RCAN2: variants seen among roughly 807,000 people sequenced by gnomAD.
RCAN2 encodes regulator of calcineurin 2.
In RCAN2, 9 loss-of-function variants were observed where a neutral mutation model predicts 23.6. The ratio of observed to expected loss-of-function variants is 0.38; its 90% CI spans 0.23 to 0.67. RCAN2 has a LOEUF of 0.67. Among genes scored for constraint, RCAN2 ranks in the 30% least tolerant of loss-of-function variants. RCAN2 has a pLI of 0.51. For missense variants in RCAN2, 273 were observed against 302.3 expected (o/e 0.90, Z 0.72); for synonymous variants, 109 against 115.7 (o/e 0.94, Z 0.37).
rs554212592 is a variant in RCAN2 at position 46,291,129 on chromosome 6, C to A, written c.226-42233G>T. On this transcript the variant is annotated intron_variant, in intron 2 of 4. Coordinates refer to ENST00000371374, the MANE Select transcript of RCAN2 (RefSeq NM_001251974.2). Reference sequence around the variant, plus strand: ...AGGTCTAGGAAAGGGTAGAAGAGGACAAGGGGAAGCTTCCGTGATGAAATA... The same window carrying A: ...AGGTCTAGGAAAGGGTAGAAGAGGAAAAGGGGAAGCTTCCGTGATGAAATA... Among the ~76,000 whole-genome samples the A allele has an allele frequency of 7.2e-5, 11 of 152,188 alleles. No individual in the cohort carries two copies. In the South Asian group the frequency reaches 2.1e-3, roughly 29 times the overall value.
chr6:46,385,072 T>C (rs568539480), intron 2 of RCAN2, among the ~76,000 whole-genome samples: 71 of 152,344 alleles, frequency 4.7e-4, no homozygotes, highest in African/African-American at 1.7e-3. Context: ...ACTTTGCATA[T>C]GTTTGAAATT....
intron 2 of RCAN2, among the ~76,000 whole-genome samples, chr6:46,435,081 T>C (rs578119845): frequency 2.4e-4 from 37 of 152,358 alleles, no homozygotes; most frequent in Non-Finnish European, 2.4e-4. Context: ...GATTGGAATA[T>C]AAATCTTCTC....
intron 2 of RCAN2, among the ~76,000 whole-genome samples, chr6:46,314,043 C>T (rs1038790416): frequency 2.0e-5 from 3 of 151,808 alleles, no homozygotes; most frequent in Non-Finnish European, 4.4e-5. Flanking sequence ...TTTTTAGTAT[C>T]GGAATTGTTT....
At chr6:46,440,393 CAA>C (rs769160624) in intron 2 of RCAN2, among the ~76,000 whole-genome samples, 6 of 127,956 alleles carry the variant, frequency 4.7e-5, no homozygotes, top group Admixed American at 7.9e-5. Context: ...TGAGTCACGG[CAA>C]AAAAAAAAAA....
chr6:46,476,833 G>T (rs559333148), intron 1 of RCAN2, among the ~76,000 whole-genome samples: 1 of 152,284 alleles, frequency 6.6e-6, no homozygotes, highest in South Asian at 2.1e-4. Context: ...ATAACTGCAA[G>T]ATGAGGCGCT....
intron 2 of RCAN2, among the ~76,000 whole-genome samples, chr6:46,343,627 A>G (rs553124930): frequency 6.6e-5 from 10 of 152,220 alleles, no homozygotes; most frequent in Admixed American, 1.3e-4. Flanking sequence ...TGCCTGCCTC[A>G]GCCTCCCAAA....
At chr6:46,472,713 T>G (rs1768600057) in intron 1 of RCAN2, among the ~76,000 whole-genome samples, 1 of 152,150 alleles carries the variant, frequency 6.6e-6, no homozygotes, top group Non-Finnish European at 1.5e-5. Flanking sequence ...ACCAAGTATC[T>G]AGTACAGACT....
intron 2 of RCAN2, among the ~76,000 whole-genome samples, chr6:46,309,833 A>C (rs1355698934): frequency 1.3e-5 from 2 of 152,190 alleles, no homozygotes; most frequent in Non-Finnish European, 2.9e-5. Flanking sequence ...AAAGACTAGT[A>C]AGGAATTCAA....
At chr6:46,383,477 T>C (rs1036403450) in intron 2 of RCAN2, among the ~76,000 whole-genome samples, 1 of 152,116 alleles carries the variant, frequency 6.6e-6, no homozygotes, top group African/African-American at 2.4e-5. Flanking sequence ...AAGATATGAA[T>C]ATTAAAGGTT....
At chr6:46,246,649 G>T in intron 4 of RCAN2, 99 bp downstream of exon 4, 1 of 928,618 alleles carries the variant, frequency 1.1e-6, no homozygotes. Context: ...TAGAAATGCA[G>T]ATGTTACTGT....
rs541192114 is a variant in RCAN2, at chr6:46,461,743, G to A, written c.-2-4765C>T. Among the ~76,000 whole-genome samples the A allele has an allele frequency of 4.6e-5, 7 of 152,144 alleles. No individual in the cohort carries two copies. In the East Asian group the frequency reaches 9.7e-4, roughly 21 times the overall value. ...TGGGATTACAGGCATGTGCCACTAC[G>A]CCCAGCTAATTTTGTATTTTTTAGT... On this transcript the variant is annotated intron_variant, in intron 1 of 4. Coordinates refer to ENST00000371374, the MANE Select transcript of RCAN2 (RefSeq NM_001251974.2).
At chr6:46,385,860 CAAAAAAAAAAAA>C (rs59568594) in intron 2 of RCAN2, among the ~76,000 whole-genome samples, 3 of 39,650 alleles carry the variant, frequency 7.6e-5, no homozygotes, top group African/African-American at 3.2e-4. Flanking sequence ...CTCTCTCTCT[CAAAAAAAAAAAA>C]AAAAAAAAAA....
intron 2 of RCAN2, among the ~76,000 whole-genome samples, chr6:46,382,791 AACAGAAAACCGGTTTGTTTGCTTATT>A (rs1765644647): frequency 1.3e-5 from 2 of 152,220 alleles, no homozygotes; most frequent in South Asian, 2.1e-4. Flanking sequence ...ATGGAATGGA[AACAGAAAACCGGTTTGTTTGCTTATT>A]ACAATTGCTT....
At chr6:46,478,352 A>AAC (rs985207823) in intron 1 of RCAN2, among the ~76,000 whole-genome samples, 1 of 152,188 alleles carries the variant, frequency 6.6e-6, no homozygotes, top group Non-Finnish European at 1.5e-5. Flanking sequence ...AACAACAACA[A>AAC]ACACCTATAA....
intron 2 of RCAN2, among the ~76,000 whole-genome samples, chr6:46,270,663 A>G (rs1767492439): frequency 6.6e-6 from 1 of 152,118 alleles, no homozygotes; most frequent in Non-Finnish European, 1.5e-5. Flanking sequence ...GTGGGCTGTC[A>G]CTTCTGAGAG....
chr6:46,432,115 A>G (rs1333699115), intron 2 of RCAN2, among the ~76,000 whole-genome samples: 2 of 152,210 alleles, frequency 1.3e-5, no homozygotes, highest in Admixed American at 6.5e-5. Context: ...GTAGTTACAA[A>G]CTTTAACTGC....
Position 46,473,175 on chromosome 6 carries a change from G to A in RCAN2, c.-2-16197C>T, listed in dbSNP as rs147304588. On this transcript the variant is annotated intron_variant, in intron 1 of 4. Coordinates refer to ENST00000371374, the MANE Select transcript of RCAN2 (RefSeq NM_001251974.2). The stretch of plus-strand genomic sequence containing the variant: ...TTTAAATGTACATATACACATTTAT[G>A]TGGTCTCTTATTAATTTGCAAACTC... Among the ~76,000 whole-genome samples the A allele has an allele frequency of 4.2e-3, 633 of 152,268 alleles. 4 individuals are homozygous for A. Among genetic ancestry groups the A allele is most frequent in the African/African-American group, 0.014 (597 of 41,574 alleles).
Position 46,411,712 on chromosome 6 carries a change from A to C in RCAN2, c.225+45040T>G, listed in dbSNP as rs577764372. Among the ~76,000 whole-genome samples the C allele has an allele frequency of 4.6e-5, 7 of 152,336 alleles. No individual in the cohort carries two copies. In the East Asian group the frequency reaches 1.4e-3, roughly 29 times the overall value. ...TAAGTCCAATCTCTAAGGATGAGTCAGTGAAGCTGAGATCTGAGTTAAAAG... is the reference window on the plus strand; with the variant it reads ...TAAGTCCAATCTCTAAGGATGAGTCCGTGAAGCTGAGATCTGAGTTAAAAG... On this transcript the variant is annotated intron_variant, in intron 2 of 4. Transcript: ENST00000371374.
intron 2 of RCAN2, among the ~76,000 whole-genome samples, chr6:46,280,237 A>T (rs921282835): frequency 6.6e-6 from 1 of 152,164 alleles, no homozygotes; most frequent in Non-Finnish European, 1.5e-5. Context: ...TGAATTGGAG[A>T]AGTCAGAACT....
Sources: gnomAD v4.1 joint callset for allele counts (sites outside exome capture counted in the v4.1 genomes callset) on GRCh38, gnomAD v4.1.1 for gene constraint, MANE v1.5 for transcripts, NCBI Gene and HGNC (gene_info 2026-07-23, HGNC 2026-07-21) for gene names.